Variants in ARHGEF10 observed in about 807,000 individuals in gnomAD.
The protein encoded by ARHGEF10 is Rho guanine nucleotide exchange factor 10.
In ARHGEF10, 140 loss-of-function variants were observed where a neutral mutation model predicts 147.4. The observed-to-expected ratio is 0.95, with a 90% CI of 0.83 to 1.09. The LOEUF is 1.09. ARHGEF10 is among the 50% of genes least tolerant of loss of function. The probability of loss-of-function intolerance (pLI) is 0.00; values close to 1 mark genes in which losing one functional copy is unlikely to be tolerated. For synonymous variants in ARHGEF10, 902 were observed against 695.8 expected (o/e 1.30, Z -4.67); for missense variants, 2,222 against 1,752.7 (o/e 1.27, Z -4.78).
chr8:1,889,735 C>G (rs373288320), intron 11 of ARHGEF10, among the ~76,000 whole-genome samples: 1 of 46,926 alleles, frequency 2.1e-5, no homozygotes, highest in Non-Finnish European at 4.1e-5. Flanking sequence ...GTGAGGGTTG[C>G]GAGGAGACAT....
intron 11 of ARHGEF10, among the ~76,000 whole-genome samples, chr8:1,888,575 G>T (rs1052352027): frequency 6.9e-4 from 97 of 139,594 alleles, no homozygotes; most frequent in Admixed American, 1.6e-3. Flanking sequence ...ACACTGAGTG[G>T]GGTGTGAGGG....
intron 1 of ARHGEF10, among the ~76,000 whole-genome samples, chr8:1,841,253 A>C (rs1328464407): frequency 1.0e-5 from 1 of 97,654 alleles, no homozygotes; most frequent in Non-Finnish European, 2.4e-5. Context: ...CTAAAAGGAA[A>C]AAGCTAGGGT....
At chr8:1,903,599 G>A (rs892448804) in intron 16 of ARHGEF10, 148 bp downstream of exon 16, 3 of 950,352 alleles carry the variant, frequency 3.2e-6, no homozygotes, top group Admixed American at 2.1e-5. Flanking sequence ...GGAGGCCTTC[G>A]GGAGAGTCAC....
At chr8:1,865,293 A>G (rs556746435) in intron 5 of ARHGEF10, among the ~76,000 whole-genome samples, 2 of 152,098 alleles carry the variant, frequency 1.3e-5, no homozygotes, top group South Asian at 2.1e-4. Flanking sequence ...TCACCAGGAC[A>G]TGGGGCATCC....
chr8:1,943,081 G>T (rs1161346106), intron 26 of ARHGEF10, among the ~76,000 whole-genome samples: 3 of 152,228 alleles, frequency 2.0e-5, no homozygotes, highest in Non-Finnish European at 4.4e-5. Flanking sequence ...TTCAAAAGGA[G>T]GTGGCAGTTT....
chr8:1,933,712 C>A, intron 25 of ARHGEF10, 88 bp from the exon 26 acceptor site: 2 of 1,492,354 alleles, frequency 1.3e-6, no homozygotes, highest in South Asian at 2.3e-5. Flanking sequence ...CTTCGGGTGT[C>A]AGTTACTTAA....
intron 13 of ARHGEF10, among the ~76,000 whole-genome samples, chr8:1,895,889 G>A (rs1041682700): frequency 6.6e-6 from 1 of 151,940 alleles, no homozygotes; most frequent in Admixed American, 6.6e-5. Flanking sequence ...AGAGAAGCAG[G>A]ATCAGCCCCC....
chr8:1,900,378 A>G (rs1810356834), intron 15 of ARHGEF10, among the ~76,000 whole-genome samples: 1 of 152,108 alleles, frequency 6.6e-6, no homozygotes. Context: ...TTTATGCGCT[A>G]GGAAACTGAG....
chr8:1,859,303 C>T (rs1161168704), intron 3 of ARHGEF10, among the ~76,000 whole-genome samples: 5 of 144,824 alleles, frequency 3.5e-5, no homozygotes, highest in African/African-American at 1.3e-4. Context: ...TTGTGTGCAG[C>T]ACGCGCCTCT....
At position 1,910,554 on chromosome 8, in the gene ARHGEF10, C is replaced by T. The variant is rs531649083; in HGVS notation, c.2143+1084C>T. On this transcript the variant is annotated intron_variant, in intron 18 of 28. Transcript: ENST00000349830. ...ACCCTCTCCACAAATAACTGAAGTA[C>T]CAAAACCCAGATTTCCCAAAAGAGC... Among the ~76,000 whole-genome samples, 12 of 152,208 alleles carry T rather than the reference C, an allele frequency of 7.9e-5. 1 individual carries two copies. Among genetic ancestry groups the T allele is most frequent in the Admixed American group, 2.0e-4 (3 of 15,282 alleles).
chr8:1,919,286 A>G (rs1812021955), intron 18 of ARHGEF10, among the ~76,000 whole-genome samples: 1 of 136,918 alleles, frequency 7.3e-6, no homozygotes, highest in African/African-American at 2.9e-5. Flanking sequence ...TCTGTGGGTG[A>G]TGAGTTGTTT....
intron 27 of ARHGEF10, among the ~76,000 whole-genome samples, chr8:1,950,720 T>G (rs1381601599): frequency 7.1e-6 from 1 of 140,074 alleles, no homozygotes; most frequent in East Asian, 2.2e-4. Flanking sequence ...TTTTTTGTTT[T>G]GTTTTTTAGG....
intron 27 of ARHGEF10, among the ~76,000 whole-genome samples, chr8:1,951,918 G>GCCACCGTAAGGCGGGGTCTTCCCTGTAA (rs1815082156): frequency 3.0e-5 from 4 of 135,404 alleles, no homozygotes; most frequent in Admixed American, 2.9e-4. Flanking sequence ...CTTCCTTGTA[G>GCCACCGTAAGGCGGGGTCTTCCCTGTAA]CCACCGTGAG....
chr8:1,869,350 G>T, intron 7 of ARHGEF10, 100 bp downstream of exon 7: 5 of 1,020,476 alleles, frequency 4.9e-6, no homozygotes, highest in Non-Finnish European at 7.7e-6. Context: ...GACGTTTTCT[G>T]TATTCATGTT....
rs1813711069 is a variant in ARHGEF10 at position 1,937,479 on chromosome 8, T to A, written c.3222+3537T>A. 6.6e-6 allele frequency among the ~76,000 whole-genome samples: 1 copy of A among 152,230 alleles called. No homozygotes were observed. The highest frequency in any genetic ancestry group is 1.5e-5 in the Non-Finnish European group (1 of 68,040). ...TCCCCTTTCTCAGGCTGCTTGTAAT[T>A]TATATGCTGTAAATCTCGAAGACTC... is the stretch of plus-strand genomic sequence containing the variant. On this transcript the variant is annotated intron_variant, in intron 26 of 28. Coordinates refer to ENST00000349830, the MANE Select transcript of ARHGEF10 (RefSeq NM_014629.4). The surrounding 1 kb of genome is among the most constrained non-coding windows in gnomAD (Gnocchi z 4.9).
intron 18 of ARHGEF10, among the ~76,000 whole-genome samples, chr8:1,916,152 G>A (rs1286479351): frequency 5.3e-5 from 8 of 152,202 alleles, no homozygotes; most frequent in Non-Finnish European, 7.3e-5. Context: ...GCCAGCCCAC[G>A]GAAAGGTGCA....
chr8:1,923,684 T>C, intron 20 of ARHGEF10, 89 bp downstream of exon 20: 4 of 1,613,848 alleles, frequency 2.5e-6, no homozygotes, highest in Non-Finnish European at 3.4e-6. Context: ...TTTGGTTTGC[T>C]GATTCTATCA....
intron 11 of ARHGEF10, among the ~76,000 whole-genome samples, chr8:1,886,267 C>T (rs1188917336): frequency 6.6e-6 from 1 of 152,154 alleles, no homozygotes; most frequent in Non-Finnish European, 1.5e-5. Flanking sequence ...AGTTTGCAGG[C>T]CTTTAGCAGC....
intron 19 of ARHGEF10, 175 bp downstream of exon 19, chr8:1,923,254 T>C: frequency 1.1e-6 from 1 of 892,132 alleles, no homozygotes; most frequent in Admixed American, 2.7e-5. Context: ...ATGGTAACTT[T>C]TCTTCATTTT....
Sources: gnomAD v4.1 joint callset for allele counts (sites outside exome capture counted in the v4.1 genomes callset) on GRCh38, gnomAD v4.1.1 for gene constraint, Gnocchi (gnomAD v3.1) non-coding constraint, MANE v1.5 for transcripts, NCBI Gene and HGNC (gene_info 2026-07-23, HGNC 2026-07-21) for gene names.